The following PDE3A variants were observed in gnomAD, a reference collection of about 807,000 sequenced individuals.
The protein encoded by PDE3A is phosphodiesterase 3A.
A neutral mutation model predicts 98.3 loss-of-function variants in PDE3A; 43 were observed. The ratio of observed to expected loss-of-function variants is 0.44; its 90% confidence interval spans 0.34 to 0.56. The LOEUF is 0.56. Ranked by LOEUF, PDE3A falls within the 20% of genes least tolerant of loss-of-function variation. The pLI is 0.01. For synonymous variants in PDE3A, 663 were observed against 567.9 expected (o/e 1.17, Z -2.38); for missense variants, 1,427 against 1,440.7 (o/e 0.99, Z 0.15).
chr12:20,633,679 C>G lies in PDE3A; in HGVS notation c.1761-14C>G. On this transcript the variant is annotated splice_polypyrimidine_tract_variant and intron_variant, in intron 6 of 15. Transcript: ENST00000359062. Reference sequence around the variant, plus strand: ...AGAGGAGGCTACACCTATAGCTCTTCCAATATTTTTTAGCTGTGGCAGACC... The same window carrying G: ...AGAGGAGGCTACACCTATAGCTCTTGCAATATTTTTTAGCTGTGGCAGACC... 6.4e-7 allele frequency: 1 copy of G among 1,565,244 alleles called. No individual in the cohort carries two copies. Among genetic ancestry groups the G allele is most frequent in the African/African-American group, 1.4e-5 (1 of 73,554 alleles).
At chr12:20,460,423 A>G (rs1190671255) in intron 1 of PDE3A, among the ~76,000 whole-genome samples, 1 of 152,206 alleles carries the variant, frequency 6.6e-6, no homozygotes, top group African/African-American at 2.4e-5. Context: ...AAGGCAAAAT[A>G]TTGTTAGGAA....
At chr12:20,512,872 G>A (rs1227202307) in intron 1 of PDE3A, among the ~76,000 whole-genome samples, 1 of 152,040 alleles carries the variant, frequency 6.6e-6, no homozygotes, top group East Asian at 1.9e-4. Context: ...TATTATTATT[G>A]TGGTAACACC....
chr12:20,423,191 A>C (rs1333813972), intron 1 of PDE3A, among the ~76,000 whole-genome samples: 1 of 152,228 alleles, frequency 6.6e-6, no homozygotes, highest in African/African-American at 2.4e-5. Flanking sequence ...GAGGAAATAT[A>C]TGCAGATGTA....
chr12:20,597,976 G>GT (rs902901741), intron 2 of PDE3A, among the ~76,000 whole-genome samples: 14 of 151,752 alleles, frequency 9.2e-5, no homozygotes, highest in East Asian at 5.8e-4. Flanking sequence ...TCATACTTAT[G>GT]TTTTTTTTGT....
chr12:20,615,507 G>T (rs887662612), intron 3 of PDE3A, among the ~76,000 whole-genome samples: 11 of 152,032 alleles, frequency 7.2e-5, no homozygotes, highest in Non-Finnish European at 1.6e-4. Flanking sequence ...ATACTTGGGG[G>T]TATGACTGTG....
intron 1 of PDE3A, among the ~76,000 whole-genome samples, chr12:20,473,500 G>A (rs1251458653): frequency 1.3e-5 from 2 of 152,078 alleles, no homozygotes; most frequent in Non-Finnish European, 2.9e-5. Flanking sequence ...TAGCCAACTC[G>A]ATGCATTTTC....
At chr12:20,654,660 C>CTTTT (rs71442265) in intron 15 of PDE3A, among the ~76,000 whole-genome samples, 2 of 85,856 alleles carry the variant, frequency 2.3e-5, no homozygotes, top group African/African-American at 4.5e-5. Flanking sequence ...CTACACCCGG[C>CTTTT]TTTTTTTTTT....
In PDE3A at chr12:20,654,066, C is replaced by T; in HGVS notation, c.3045C>T (p.Ser1015=). Residue 1015 remains serine (S), a synonymous_variant, in exon 15 of 16, where the codon TCC becomes TCT. Coordinates refer to ENST00000359062, the MANE Select transcript of PDE3A (RefSeq NM_000921.5). ...ACATTGTGGGGCCTCTGTGCAACTC[C>T]TATGATTCAGCAGGACTAATGCCTG... ...ISHIVGPLCN[S]YDSAGLMPGK... 1.2e-6 allele frequency: 2 copies of T among 1,614,130 alleles called. No homozygotes were observed. Among genetic ancestry groups the T allele is most frequent in the Non-Finnish European group, 1.7e-6 (2 of 1,180,026 alleles).
At position 20,654,347 on chromosome 12, in the gene PDE3A, C is replaced by T. The variant is rs185951574; in HGVS notation, c.3184+142C>T. The T allele has an allele frequency of 1.8e-5, 12 of 676,902 alleles. No individual in the cohort carries two copies. The Admixed American group carries it at 3.1e-4, about 18-fold the overall frequency. The allele number at this position is 676,902 out of a possible 1,614,324, so 41.9% of individuals were successfully genotyped here. A position where few individuals can be genotyped will look rare whatever the true frequency, so the allele number is the denominator to read the frequency against. ...GTTTGACTACGGATAGCTCCCTTCCCCAATATCATAATAATAGAAATCCCA... is the reference window on the plus strand; with the variant it reads ...GTTTGACTACGGATAGCTCCCTTCCTCAATATCATAATAATAGAAATCCCA... On this transcript the variant is annotated intron_variant, in intron 15 of 15. Coordinates refer to ENST00000359062, the MANE Select transcript of PDE3A (RefSeq NM_000921.5).
intron 1 of PDE3A, among the ~76,000 whole-genome samples, chr12:20,514,117 C>T (rs571183633): frequency 6.6e-6 from 1 of 152,172 alleles, no homozygotes; most frequent in South Asian, 2.1e-4. Flanking sequence ...AAATCCACAT[C>T]TCTGGGGTGA....
At chr12:20,386,112 A>AATATATAAATATATATAAAT (rs1943778088) in intron 1 of PDE3A, among the ~76,000 whole-genome samples, 1 of 23,234 alleles carries the variant, frequency 4.3e-5, no homozygotes, top group East Asian at 3.3e-3. Flanking sequence ...TATATATATA[A>AATATATAAATATATATAAAT]ATATATATAA....
chr12:20,505,277 C>CTAGG (rs1946095133), intron 1 of PDE3A, among the ~76,000 whole-genome samples: 2 of 152,054 alleles, frequency 1.3e-5, no homozygotes, highest in Non-Finnish European at 2.9e-5. Context: ...GGAACTTGAC[C>CTAGG]TAGGAGTCTC....
chr12:20,505,534 A>G (rs1591997515), intron 1 of PDE3A, among the ~76,000 whole-genome samples: 1 of 152,206 alleles, frequency 6.6e-6, no homozygotes, highest in Non-Finnish European at 1.5e-5. Flanking sequence ...AGCATGTGCC[A>G]TGGTGAATCT....
At chr12:20,422,266 C>A (rs1246680818) in intron 1 of PDE3A, among the ~76,000 whole-genome samples, 1 of 151,960 alleles carries the variant, frequency 6.6e-6, no homozygotes, top group Non-Finnish European at 1.5e-5. Flanking sequence ...ATGGCGTGAA[C>A]CCGGGAAGTG....
rs1331582881 is a variant in PDE3A at position 20,369,336 on chromosome 12, G to C, written c.52G>C (p.Gly18Arg). 1 of 1,548,270 alleles carries C rather than the reference G, an allele frequency of 6.5e-7. No individual in the cohort carries two copies. The highest frequency in any genetic ancestry group is 2.4e-5 in the East Asian group (1 of 40,828). ...AGTCAGGGACAAGCCCGTCCACAGTGGGGTGAGTCAAGCCCCCACGGCGGG... is the reference window on the plus strand; with the variant it reads ...AGTCAGGGACAAGCCCGTCCACAGTCGGGTGAGTCAAGCCCCCACGGCGGG... Reference protein sequence around the residue: ...ARVRDKPVHSGVSQAPTAGRD... With the variant: ...ARVRDKPVHSRVSQAPTAGRD... The change falls in exon 1 of 16, where the codon GGG (glycine) becomes CGG (arginine). Residue 18 changes from glycine (G) to arginine (R), a missense_variant. Around this residue, in one of 3 missense-constraint regions of PDE3A, gnomAD observed 1,012 missense variants for 886.5 expected, o/e 1.14. Coordinates refer to ENST00000359062, the MANE Select transcript of PDE3A (RefSeq NM_000921.5).
At chr12:20,668,440 A>T (rs1407901979) in intron 15 of PDE3A, among the ~76,000 whole-genome samples, 1 of 152,062 alleles carries the variant, frequency 6.6e-6, no homozygotes, top group Non-Finnish European at 1.5e-5. Flanking sequence ...TGCAGACTTA[A>T]ATGTCCCTGT....
At chr12:20,670,899 T>G (rs2120419826) in intron 15 of PDE3A, among the ~76,000 whole-genome samples, 2 of 132,238 alleles carry the variant, frequency 1.5e-5, no homozygotes, top group South Asian at 5.1e-4. Context: ...AAAAAATTAA[T>G]GAATCCAGGA....
Position 20,687,643 on chromosome 12 carries a change from A to G in PDE3A, c.*7372A>G, listed in dbSNP as rs1946006339. On this transcript the variant is annotated 3_prime_UTR_variant, in exon 16 of 16. Coordinates refer to ENST00000359062, the MANE Select transcript of PDE3A (RefSeq NM_000921.5). ...TCACTGAACCCACCCACCCCCTGATATTTCTTCCTCAAGTTTTCTATCATG... is the reference window on the plus strand; with the variant it reads ...TCACTGAACCCACCCACCCCCTGATGTTTCTTCCTCAAGTTTTCTATCATG... Among the ~76,000 whole-genome samples, 1 of 151,998 alleles carries G rather than the reference A, an allele frequency of 6.6e-6. No homozygotes were observed. The highest frequency in any genetic ancestry group is 2.1e-4 in the South Asian group (1 of 4,826).
Position 20,685,570 on chromosome 12 carries a change from T to C in PDE3A, c.*5299T>C, listed in dbSNP as rs1203029490. On this transcript the variant is annotated 3_prime_UTR_variant, in exon 16 of 16. Transcript: ENST00000359062. ...AGGTAAGACCATAAAATACAGTGTATAGAATTATATATAAATGGAAAACAA... is the reference window on the plus strand; with the variant it reads ...AGGTAAGACCATAAAATACAGTGTACAGAATTATATATAAATGGAAAACAA... 6.6e-6 allele frequency among the ~76,000 whole-genome samples: 1 copy of C among 152,002 alleles called. No homozygotes were observed. Among genetic ancestry groups the C allele is most frequent in the Non-Finnish European group, 1.5e-5 (1 of 68,010 alleles).
Sources: allele counts gnomAD v4.1 joint callset (sites outside exome capture counted in the v4.1 genomes callset), GRCh38; gene constraint gnomAD v4.1.1; regional missense constraint gnomAD v4.1.1; transcripts MANE v1.5; gene names NCBI Gene and HGNC (gene_info 2026-07-23, HGNC 2026-07-21).